Variants in ZEB1 observed in about 807,000 individuals in gnomAD.
ZEB1 encodes zinc finger E-box-binding homeobox 1.
A neutral mutation model predicts 84.9 loss-of-function variants in ZEB1; 21 were observed. That is an observed-to-expected ratio of 0.25 (90% CI 0.18 to 0.36). The LOEUF (loss-of-function observed/expected upper bound fraction) is 0.36. ZEB1 is among the 10% of genes least tolerant of loss of function. ZEB1 has a pLI of 1.00. For missense variants in ZEB1, 1,104 were observed against 1,330.2 expected, an observed-to-expected ratio of 0.83 and a Z score of 2.65; for synonymous variants, 420 against 471.1, an observed-to-expected ratio of 0.89 and a Z score of 1.41.
intron 1 of ZEB1, among the ~76,000 whole-genome samples, chr10:31,453,383 A>C (rs574229431): frequency 6.6e-6 from 1 of 152,154 alleles, no homozygotes; most frequent in Non-Finnish European, 1.5e-5. Context: ...CCAAGTCACA[A>C]TAAATGATGA....
At chr10:31,430,943 C>T (rs1296371679) in intron 1 of ZEB1, among the ~76,000 whole-genome samples, 3 of 152,180 alleles carry the variant, frequency 2.0e-5, no homozygotes, top group Non-Finnish European at 4.4e-5. Context: ...ATTCAACTTA[C>T]AGTATACAGT....
chr10:31,467,552 C>A (rs1447996747), intron 2 of ZEB1, among the ~76,000 whole-genome samples: 2 of 152,170 alleles, frequency 1.3e-5, no homozygotes, highest in African/African-American at 4.8e-5. Context: ...GCCTCCATTG[C>A]CCCACCTGAG....
chr10:31,450,894 G>A (rs1242372749), intron 1 of ZEB1, among the ~76,000 whole-genome samples: 2 of 151,972 alleles, frequency 1.3e-5, no homozygotes, highest in East Asian at 1.9e-4. Flanking sequence ...GTGTGTGCGT[G>A]CGTGCGCATG....
intron 1 of ZEB1, among the ~76,000 whole-genome samples, chr10:31,434,638 T>C (rs1035542491): frequency 1.3e-5 from 2 of 152,180 alleles, no homozygotes; most frequent in African/African-American, 4.8e-5. Flanking sequence ...ACATTTTTCA[T>C]AACACTTAAT....
chr10:31,368,982 C>T (rs2045147740), intron 1 of ZEB1, among the ~76,000 whole-genome samples: 1 of 152,186 alleles, frequency 6.6e-6, no homozygotes, highest in African/African-American at 2.4e-5. Context: ...TTTGAACAGA[C>T]AGTGGAATCT....
At position 31,528,269 on chromosome 10, in the gene ZEB1, T is replaced by C. The variant is rs1000091758; in HGVS notation, c.*1005T>C. 6.6e-6 allele frequency: 1 copy of C among 152,208 alleles called. No homozygotes were observed. The highest frequency in any genetic ancestry group is 1.5e-5 in the Non-Finnish European group (1 of 68,028). 9.4% of individuals were successfully genotyped at this position (152,208 alleles called of 1,614,324 possible). A position where few individuals can be genotyped will look rare whatever the true frequency, so the allele number is the denominator to read the frequency against. On this transcript the variant is annotated 3_prime_UTR_variant, in exon 9 of 9. Coordinates refer to ENST00000424869, the MANE Select transcript of ZEB1 (RefSeq NM_001174096.2). Reference sequence around the variant, plus strand: ...CCAAATAAAACTTAAAACCACTGACTCTGTCAGAGAAACTGAAACACTGGG... The same window carrying C: ...CCAAATAAAACTTAAAACCACTGACCCTGTCAGAGAAACTGAAACACTGGG...
chr10:31,339,783 C>A (rs920458179), intron 1 of ZEB1, among the ~76,000 whole-genome samples: 14 of 149,972 alleles, frequency 9.3e-5, no homozygotes, highest in Non-Finnish European at 1.5e-4. Flanking sequence ...AAAAAAAAAA[C>A]CTATATAAAA....
At chr10:31,342,319 T>A (rs2039530531) in intron 1 of ZEB1, among the ~76,000 whole-genome samples, 1 of 152,130 alleles carries the variant, frequency 6.6e-6, no homozygotes, top group Admixed American at 6.6e-5. Flanking sequence ...AGGAAAGGAA[T>A]TGAGCCCAGG....
At chr10:31,371,979 C>A (rs2045789306) in intron 1 of ZEB1, among the ~76,000 whole-genome samples, 1 of 151,844 alleles carries the variant, frequency 6.6e-6, no homozygotes, top group Non-Finnish European at 1.5e-5. Flanking sequence ...CAGAAATAGG[C>A]TGGATAGATA....
At chr10:31,499,906 T>C (rs1375742362) in intron 3 of ZEB1, among the ~76,000 whole-genome samples, 1 of 152,148 alleles carries the variant, frequency 6.6e-6, no homozygotes, top group East Asian at 1.9e-4. Context: ...TCTTTATCTC[T>C]AAATGTGTAT....
intron 1 of ZEB1, among the ~76,000 whole-genome samples, chr10:31,424,936 G>A (rs1241177613): frequency 6.6e-6 from 1 of 151,840 alleles, no homozygotes. Context: ...GACAGAGTAC[G>A]GTCCTTAAGT....
At chr10:31,506,196 A>G (rs754235788) in intron 4 of ZEB1, among the ~76,000 whole-genome samples, 8 of 152,200 alleles carry the variant, frequency 5.3e-5, no homozygotes, top group Non-Finnish European at 8.8e-5. Context: ...CATACAGTCT[A>G]TCCTAGAGTA....
chr10:31,372,665 G>A (rs1272481805), intron 1 of ZEB1, among the ~76,000 whole-genome samples: 1 of 152,004 alleles, frequency 6.6e-6, no homozygotes, highest in Admixed American at 6.6e-5. Flanking sequence ...GATACTGTCA[G>A]AGTGTTTCCA....
chr10:31,352,647 T>C (rs1444209784), intron 1 of ZEB1, among the ~76,000 whole-genome samples: 3 of 152,138 alleles, frequency 2.0e-5, no homozygotes, highest in African/African-American at 7.2e-5. Context: ...GGAGCACAGT[T>C]GGGGGTGGCC....
chr10:31,508,496 A>G (rs1234574615), intron 4 of ZEB1, among the ~76,000 whole-genome samples: 2 of 152,034 alleles, frequency 1.3e-5, no homozygotes, highest in African/African-American at 4.8e-5. Flanking sequence ...AGCTGTAGTG[A>G]TAGTAGCAGG....
rs537379641 is a variant in ZEB1, at chr10:31,528,440, T to C, written c.*1176T>C. On this transcript the variant is annotated 3_prime_UTR_variant, in exon 9 of 9. Coordinates refer to ENST00000424869, the MANE Select transcript of ZEB1 (RefSeq NM_001174096.2). The stretch of plus-strand genomic sequence containing the variant: ...GGACATGCTATTGTTATTTGGCTCA[T>C]AACTGTTTCCAAATGTTAGTTATTA... The C allele has an allele frequency of 1.3e-5, 2 of 152,338 alleles. No individual in the cohort carries two copies. The highest frequency in any genetic ancestry group is 3.9e-4 in the East Asian group (2 of 5,188). 9.4% of individuals were successfully genotyped at this position (152,338 alleles called of 1,614,324 possible).
intron 1 of ZEB1, among the ~76,000 whole-genome samples, chr10:31,429,203 G>A (rs761435341): frequency 4.6e-5 from 7 of 152,156 alleles, no homozygotes; most frequent in Admixed American, 6.6e-5. Context: ...ATCTGGTAAC[G>A]GTCTTTCCTT....
chr10:31,423,648 A>C (rs2056527875), intron 1 of ZEB1, among the ~76,000 whole-genome samples: 1 of 152,134 alleles, frequency 6.6e-6, no homozygotes. Flanking sequence ...ATAATGTATT[A>C]TCTCTTGAGT....
At chr10:31,501,084 G>A (rs1220539905) in intron 3 of ZEB1, among the ~76,000 whole-genome samples, 3 of 152,248 alleles carry the variant, frequency 2.0e-5, no homozygotes, top group East Asian at 1.9e-4. Context: ...AATAACCATC[G>A]AACAAACAGA....
Sources: allele counts gnomAD v4.1 joint callset (sites outside exome capture counted in the v4.1 genomes callset), GRCh38; gene constraint gnomAD v4.1.1; transcripts MANE v1.5; gene names NCBI Gene and HGNC (gene_info 2026-07-23, HGNC 2026-07-21).